DLGAP2: variants seen among roughly 807,000 people sequenced by gnomAD.
The protein encoded by DLGAP2 is DLG associated protein 2.
DLGAP2 carries 26 observed loss-of-function variants against 100.3 expected under a neutral mutation model. The observed-to-expected ratio is 0.26, with a 90% CI of 0.19 to 0.36. The LOEUF is 0.36. DLGAP2 is among the 10% of genes least tolerant of loss of function. The pLI, the probability that DLGAP2 is intolerant of heterozygous loss-of-function variation, is 1.00. For synonymous variants in DLGAP2, 886 were observed against 630.1 expected, an observed-to-expected ratio of 1.41 and a Z score of -6.08; for missense variants, 1,858 against 1,453.2, an observed-to-expected ratio of 1.28 and a Z score of -4.53.
intron 2 of DLGAP2, among the ~76,000 whole-genome samples, chr8:1,075,432 G>C (rs570579923): frequency 6.6e-6 from 1 of 152,084 alleles, no homozygotes; most frequent in Non-Finnish European, 1.5e-5. Flanking sequence ...CCTGCAATGG[G>C]CTTGTTTCTG....
chr8:1,488,160 A>T (rs2130271484), intron 3 of DLGAP2, among the ~76,000 whole-genome samples: 1 of 152,208 alleles, frequency 6.6e-6, no homozygotes, highest in Admixed American at 6.5e-5. Context: ...GGAGGCTGGG[A>T]GTCCTTCTTC....
intron 3 of DLGAP2, among the ~76,000 whole-genome samples, chr8:1,288,623 A>G (rs1799991923): frequency 8.3e-6 from 1 of 120,822 alleles, no homozygotes. Flanking sequence ...GAGGGGAACT[A>G]GTTTCATTTC....
At chr8:1,275,899 AATAT>A (rs1288817320) in intron 3 of DLGAP2, among the ~76,000 whole-genome samples, 3 of 125,532 alleles carry the variant, frequency 2.4e-5, no homozygotes, top group African/African-American at 6.2e-5. Flanking sequence ...ATAATATATA[AATAT>A]ATATAATATA....
rs778714284 is a variant in DLGAP2, at chr8:1,549,615, C to G, written c.1162C>G (p.Leu388Val). 3 of 1,586,098 alleles carry G rather than the reference C, an allele frequency of 1.9e-6. No homozygotes were observed. The Admixed American group carries it at 5.4e-5, about 29-fold the overall frequency. The stretch of plus-strand genomic sequence containing the variant: ...CAAGGAGGCCTACCGCAAGAGCTCG[C>G]TGAACCTGGACAAGCCGCTGCTGCA... The part of the protein sequence containing the change: ...QAKEAYRKSS[L>V]NLDKPLLHQD... The change falls in exon 5 of 15, where the codon CTG (leucine) becomes GTG (valine). Residue 388 changes from leucine (L) to valine (V), a missense_variant. Coordinates refer to ENST00000637795, the MANE Select transcript of DLGAP2 (RefSeq NM_001346810.2).
Position 1,343,082 on chromosome 8 carries a change from T to C in DLGAP2, c.106+84199T>C, listed in dbSNP as rs190797822. On this transcript the variant is annotated intron_variant, in intron 3 of 14. Coordinates refer to ENST00000637795, the MANE Select transcript of DLGAP2 (RefSeq NM_001346810.2). ...TTTCACAAACCGGAGACACAAACAC[T>C]GGCCAGTCCTTAGTAGATGGTGCTT... Among the ~76,000 whole-genome samples the C allele has an allele frequency of 7.2e-5, 11 of 152,336 alleles. No individual in the cohort carries two copies. In the East Asian group the frequency reaches 2.1e-3, roughly 29 times the overall value.
chr8:1,087,652 C>T (rs1451519065), intron 2 of DLGAP2, among the ~76,000 whole-genome samples: 2 of 151,918 alleles, frequency 1.3e-5, no homozygotes, highest in African/African-American at 4.8e-5. Context: ...GTCACATCAA[C>T]ATCTTTGATT....
chr8:1,424,142 A>G (rs1797176405), intron 3 of DLGAP2, among the ~76,000 whole-genome samples: 1 of 152,248 alleles, frequency 6.6e-6, no homozygotes, highest in Non-Finnish European at 1.5e-5. Flanking sequence ...GGGTGAAGGA[A>G]CACAGAATGA....
chr8:1,068,734 C>T (rs1404689550), intron 2 of DLGAP2, among the ~76,000 whole-genome samples: 1 of 152,108 alleles, frequency 6.6e-6, no homozygotes, highest in Non-Finnish European at 1.5e-5. Context: ...GGGCTCAGCG[C>T]ATGTGGGTCC....
At chr8:1,518,403 T>C (rs1008814472) in intron 4 of DLGAP2, among the ~76,000 whole-genome samples, 6 of 152,240 alleles carry the variant, frequency 3.9e-5, no homozygotes, top group Non-Finnish European at 7.3e-5. Context: ...GATGGACTTT[T>C]AAATACAAAT....
At chr8:994,287 A>T (rs11137121) in intron 2 of DLGAP2, among the ~76,000 whole-genome samples, 2 of 151,784 alleles carry the variant, frequency 1.3e-5, no homozygotes, top group African/African-American at 4.8e-5. Context: ...TGCAACCTCC[A>T]CCTCCCAGAT....
chr8:1,660,137 T>C (rs1468842213), intron 8 of DLGAP2, among the ~76,000 whole-genome samples: 1 of 152,172 alleles, frequency 6.6e-6, no homozygotes, highest in Non-Finnish European at 1.5e-5. Context: ...GAAATTCTGG[T>C]TGAAAATTCT....
chr8:949,897 A>G (rs1799432461), intron 2 of DLGAP2, among the ~76,000 whole-genome samples: 1 of 152,194 alleles, frequency 6.6e-6, no homozygotes, highest in African/African-American at 2.4e-5. Context: ...GAGTAAAAAT[A>G]GCGTTGATTT....
At chr8:1,247,340 C>G (rs1244891773) in intron 2 of DLGAP2, among the ~76,000 whole-genome samples, 1 of 143,606 alleles carries the variant, frequency 7.0e-6, no homozygotes, top group Non-Finnish European at 1.5e-5. Flanking sequence ...ACATCGGTGG[C>G]CAGCAAGACC....
At position 1,391,475 on chromosome 8, in the gene DLGAP2, G is replaced by A. The variant is rs145648451; in HGVS notation, c.107-109891G>A. ...GGTGACTCAGTGCCAAGCAAAGTGA[G>A]GGATGATGAAAAATGATAATAGCTG... On this transcript the variant is annotated intron_variant, in intron 3 of 14. Coordinates refer to ENST00000637795, the MANE Select transcript of DLGAP2 (RefSeq NM_001346810.2). 5.3e-5 allele frequency among the ~76,000 whole-genome samples: 8 copies of A among 152,288 alleles called. No homozygotes were observed. In the East Asian group the frequency reaches 1.5e-3, roughly 29 times the overall value.
chr8:1,039,914 G>T (rs367779658), intron 2 of DLGAP2, among the ~76,000 whole-genome samples: 250 of 146,824 alleles, frequency 1.7e-3, no homozygotes, highest in African/African-American at 6.1e-3. Context: ...CTCGGTGTGC[G>T]TGGTCAGCTC....
At chr8:1,600,940 G>A (rs1483516175) in intron 6 of DLGAP2, among the ~76,000 whole-genome samples, 1 of 152,202 alleles carries the variant, frequency 6.6e-6, no homozygotes, top group Non-Finnish European at 1.5e-5. Flanking sequence ...TCGTTTGGAG[G>A]AGAAGAGGCT....
At chr8:908,027 G>A (rs1798415311) in intron 2 of DLGAP2, 61 bp downstream of exon 2, 1 of 398,614 alleles carries the variant, frequency 2.5e-6, no homozygotes, top group Non-Finnish European at 4.4e-6. Flanking sequence ...GCAAAAGTGA[G>A]AAATGTGATT....
intron 4 of DLGAP2, among the ~76,000 whole-genome samples, chr8:1,505,724 G>T (rs1352897722): frequency 6.6e-6 from 1 of 152,170 alleles, no homozygotes; most frequent in African/African-American, 2.4e-5. Context: ...AATGTTTCTA[G>T]GGAAGACCTT....
At chr8:1,258,728 C>G (rs758350663) in intron 2 of DLGAP2, 123 bp from the exon 3 acceptor site, 7 of 816,248 alleles carry the variant, frequency 8.6e-6, no homozygotes, top group African/African-American at 1.8e-5. Flanking sequence ...GGTCCACTGG[C>G]TCTGGTGTGG....
Sources: gnomAD v4.1 joint callset for allele counts (sites outside exome capture counted in the v4.1 genomes callset) on GRCh38, gnomAD v4.1.1 for gene constraint, MANE v1.5 for transcripts, NCBI Gene and HGNC (gene_info 2026-07-23, HGNC 2026-07-21) for gene names.